The following SUGCT variants were observed in gnomAD, a reference collection of about 807,000 sequenced individuals.
SUGCT encodes the protein succinyl-CoA:glutarate CoA-transferase.
SUGCT carries 41 observed loss-of-function variants against 55.0 expected under a neutral mutation model. The ratio of observed to expected loss-of-function variants is 0.74; its 90% CI spans 0.58 to 0.97. The LOEUF is 0.97. Among genes scored for constraint, SUGCT ranks in the 50% least tolerant of loss-of-function variants. The pLI, the probability that SUGCT is intolerant of heterozygous loss-of-function variation, is 0.00. For synonymous variants in SUGCT, 187 were observed against 200.4 expected (o/e 0.93, Z 0.56); for missense variants, 568 against 547.8 (o/e 1.04, Z -0.37).
intron 8 of SUGCT, among the ~76,000 whole-genome samples, chr7:40,313,018 A>T (rs1181532464): frequency 6.6e-6 from 1 of 152,150 alleles, no homozygotes; most frequent in African/African-American, 2.4e-5. Context: ...GCTTTGAGAG[A>T]TAATTGGGCA....
At chr7:40,676,901 G>A (rs899087211) in intron 12 of SUGCT, among the ~76,000 whole-genome samples, 1 of 142,692 alleles carries the variant, frequency 7.0e-6, no homozygotes, top group Non-Finnish European at 1.6e-5. Context: ...TGACGTGTGT[G>A]TGTGTGTGTG....
chr7:40,370,222 T>C (rs1446088177), intron 9 of SUGCT, among the ~76,000 whole-genome samples: 1 of 152,076 alleles, frequency 6.6e-6, no homozygotes, highest in Admixed American at 6.6e-5. Context: ...TCAGCTTAAT[T>C]AGTAAAGAAC....
intron 13 of SUGCT, among the ~76,000 whole-genome samples, chr7:40,807,867 A>C (rs892623730): frequency 6.6e-6 from 1 of 152,368 alleles, no homozygotes; most frequent in Admixed American, 6.5e-5. Context: ...TTTGAGAGCA[A>C]GAAGCATCCA....
chr7:40,186,711 G>A (rs1283396707), intron 3 of SUGCT, among the ~76,000 whole-genome samples: 1 of 152,188 alleles, frequency 6.6e-6, no homozygotes, highest in Non-Finnish European at 1.5e-5. Flanking sequence ...GAACCTAAGT[G>A]AGGAAAGTGA....
chr7:40,256,796 G>A (rs1342731403), intron 7 of SUGCT, among the ~76,000 whole-genome samples: 1 of 151,776 alleles, frequency 6.6e-6, no homozygotes, highest in Non-Finnish European at 1.5e-5. Flanking sequence ...CAGGCTGAAG[G>A]GCAGTGGTGC....
the SUGCT span, among the ~76,000 whole-genome samples, chr7:40,970,786 A>G: frequency 6.6e-6 from 1 of 152,126 alleles, no homozygotes; most frequent in Admixed American, 6.5e-5. Flanking sequence ...GGGACATTCC[A>G]TAGAGGAGAT....
chr7:40,987,309 G>T, the SUGCT span, among the ~76,000 whole-genome samples: 1 of 152,184 alleles, frequency 6.6e-6, no homozygotes, highest in South Asian at 2.1e-4. Context: ...TGGGGTGGAG[G>T]AGAGGAGGAT....
Position 40,135,139 on chromosome 7 carries a change from T to G in SUGCT, c.100+19T>G, listed in dbSNP as rs571746285. On this transcript the variant is annotated intron_variant, in intron 1 of 13. Coordinates refer to ENST00000335693, the MANE Select transcript of SUGCT (RefSeq NM_001193313.2). ...CAGTCAGGTACCCTCCGAGATTCGGTCTGGGTGGCTAAAGGGATCCCTGCC... is the reference window on the plus strand; with the variant it reads ...CAGTCAGGTACCCTCCGAGATTCGGGCTGGGTGGCTAAAGGGATCCCTGCC... 16 of 1,537,172 alleles carry G rather than the reference T, an allele frequency of 1.0e-5. No individual in the cohort carries two copies. The South Asian group carries it at 1.8e-4, about 17-fold the overall frequency.
chr7:41,015,409 G>A, the SUGCT span, among the ~76,000 whole-genome samples: 15 of 152,082 alleles, frequency 9.9e-5, no homozygotes, highest in African/African-American at 3.4e-4. Flanking sequence ...CAAATTTGGC[G>A]GATCATTACC....
At chr7:40,647,980 C>G (rs1800605922) in intron 12 of SUGCT, among the ~76,000 whole-genome samples, 1 of 152,142 alleles carries the variant, frequency 6.6e-6, no homozygotes, top group Non-Finnish European at 1.5e-5. Context: ...AACATTGATT[C>G]AATCCCTTCA....
At chr7:40,775,739 C>T (rs1789415848) in intron 13 of SUGCT, 1 of 152,118 alleles carries the variant, frequency 6.6e-6, no homozygotes. Flanking sequence ...ATCTTATCTC[C>T]TTCCGTGGAA....
chr7:40,376,992 C>A (rs1329154503), intron 9 of SUGCT, among the ~76,000 whole-genome samples: 2 of 151,294 alleles, frequency 1.3e-5, no homozygotes, highest in Non-Finnish European at 2.9e-5. Flanking sequence ...TAATGGTCTT[C>A]ATGGTTTTTG....
intron 13 of SUGCT, among the ~76,000 whole-genome samples, chr7:40,842,343 T>C (rs1245166444): frequency 1.3e-5 from 2 of 152,174 alleles, no homozygotes; most frequent in Admixed American, 6.5e-5. Context: ...AAATATGTTC[T>C]TCCAAGAAGA....
chr7:40,335,680 A>G (rs1020277366), intron 9 of SUGCT, among the ~76,000 whole-genome samples: 3 of 152,220 alleles, frequency 2.0e-5, no homozygotes, highest in Non-Finnish European at 2.9e-5. Context: ...ATATACAATC[A>G]TGTCATCTGC....
chr7:40,721,578 G>A (rs1436093442), intron 12 of SUGCT, among the ~76,000 whole-genome samples: 1 of 152,222 alleles, frequency 6.6e-6, no homozygotes, highest in African/African-American at 2.4e-5. Context: ...CTGTCACCAA[G>A]CTACAGCCAA....
intron 12 of SUGCT, among the ~76,000 whole-genome samples, chr7:40,638,465 G>A (rs867306068): frequency 1.3e-5 from 2 of 152,078 alleles, no homozygotes; most frequent in South Asian, 2.1e-4. Context: ...TAATCTCAGC[G>A]CTTTACATGG....
chr7:40,514,625 G>A (rs1012688265), intron 12 of SUGCT, among the ~76,000 whole-genome samples: 3 of 147,402 alleles, frequency 2.0e-5, no homozygotes, highest in Admixed American at 7.0e-5. Flanking sequence ...CAGGAGAATA[G>A]CATGAACCCG....
chr7:40,603,771 T>C (rs894213524), intron 12 of SUGCT, among the ~76,000 whole-genome samples: 1 of 152,210 alleles, frequency 6.6e-6, no homozygotes, highest in East Asian at 1.9e-4. Context: ...CCTATCATAA[T>C]TAGTAAGCAT....
rs980063677 is a variant in SUGCT, at chr7:40,329,922, A to G, written c.816+13067A>G. Among the ~76,000 whole-genome samples the G allele has an allele frequency of 2.0e-5, 3 of 152,200 alleles. No homozygotes were observed. In the South Asian group the frequency reaches 6.2e-4, roughly 32 times the overall value. On this transcript the variant is annotated intron_variant, in intron 9 of 13. Coordinates refer to ENST00000335693, the MANE Select transcript of SUGCT (RefSeq NM_001193313.2). ...CATTCTCTATGGTTCAAAGTCCTGG[A>G]GAGAGATTCCTGGGAATGATTTCCA...
Sources: gnomAD v4.1 joint callset for allele counts (sites outside exome capture counted in the v4.1 genomes callset) on GRCh38, gnomAD v4.1.1 for gene constraint, MANE v1.5 for transcripts, NCBI Gene and HGNC (gene_info 2026-07-23, HGNC 2026-07-21) for gene names.